Variants in DTWD2 observed in about 807,000 individuals in gnomAD.
DTWD2 encodes the protein DTW motif tRNA-uridine aminocarboxypropyltransferase 2, also known as tRNA-uridine aminocarboxypropyltransferase 2.
In DTWD2, 39 loss-of-function variants were observed where a neutral mutation model predicts 31.8. The observed-to-expected ratio is 1.22, with a 90% CI of 0.95 to 1.60. The LOEUF is 1.60. DTWD2 is among the 40% of genes most tolerant of loss of function. The pLI is 0.00. For missense variants in DTWD2, 515 were observed against 381.5 expected (o/e 1.35, Z -2.92); for synonymous variants, 180 against 142.8 (o/e 1.26, Z -1.86).
chr5:118,988,503 C>T lies in DTWD2; in HGVS notation c.9G>A (p.Ser3=). The change falls in exon 1 of 6, where the codon TCG becomes TCA. Residue 3 remains serine, a synonymous_variant. Coordinates refer to ENST00000510708, the MANE Select transcript of DTWD2 (RefSeq NM_173666.4). ...CCTGGAGTGTTCGTGCCTCTTTCTG[C>T]GACTCCATGGCGGACACTCCGGTCA... ME[S]QKEARTLQEP... is the part of the protein sequence containing the mutation. 2 of 1,567,946 alleles carry T rather than the reference C, an allele frequency of 1.3e-6. No homozygotes were observed. Among genetic ancestry groups the T allele is most frequent in the South Asian group, 1.2e-5 (1 of 86,558 alleles).
rs142762716 is a variant in DTWD2, at chr5:118,988,447, C to T, written c.65G>A (p.Ser22Asn). 117 of 1,606,638 alleles carry T rather than the reference C, an allele frequency of 7.3e-5. No individual in the cohort carries two copies. The highest frequency in any genetic ancestry group is 9.3e-5 in the Non-Finnish European group (109 of 1,178,126). ...CTCCTTGTCGTTCGGCGTCTGAGAG[C>T]TTGAGGCCCCAGAAGGCCGCGCAAC... The part of the protein sequence containing the change: ...EPVARPSGAS[S>N]SQTPNDKERR... Residue 22 changes from serine to asparagine, a missense_variant, in exon 1 of 6, where the codon AGC becomes AAC. Transcript: ENST00000510708.
intron 4 of DTWD2, among the ~76,000 whole-genome samples, chr5:118,852,201 G>C (rs1219864204): frequency 6.6e-6 from 1 of 152,136 alleles, no homozygotes; most frequent in Non-Finnish European, 1.5e-5. Context: ...GTTGTCTTCT[G>C]TTGTTCCCTA....
intron 4 of DTWD2, among the ~76,000 whole-genome samples, chr5:118,885,379 G>T (rs182839875): frequency 0.015 from 2,224 of 150,040 alleles, 68 homozygotes; most frequent in African/African-American, 0.052. Flanking sequence ...TTGAACCCGG[G>T]AGGTGGAGGT....
intron 4 of DTWD2, among the ~76,000 whole-genome samples, chr5:118,863,867 C>A (rs1189572848): frequency 2.6e-5 from 4 of 151,964 alleles, no homozygotes; most frequent in Non-Finnish European, 5.9e-5. Flanking sequence ...ACAGAGTACA[C>A]AACACGCCCA....
intron 5 of DTWD2, among the ~76,000 whole-genome samples, chr5:118,842,350 T>C (rs768676780): frequency 3.3e-5 from 5 of 152,194 alleles, no homozygotes; most frequent in Non-Finnish European, 5.9e-5. Flanking sequence ...AGAGATACTC[T>C]TTAAAGGGGA....
intron 4 of DTWD2, 108 bp downstream of exon 4, chr5:118,928,429 A>G: frequency 1.4e-6 from 1 of 719,222 alleles, no homozygotes; most frequent in Non-Finnish European, 2.0e-6. Flanking sequence ...ACATAGAAAT[A>G]CCACCAAATT....
At chr5:118,884,996 C>CAAAAAAAAA (rs36042211) in intron 4 of DTWD2, among the ~76,000 whole-genome samples, 671 of 49,718 alleles carry the variant, frequency 0.013, 49 homozygotes, top group African/African-American at 0.054. Flanking sequence ...ACTCCATCTC[C>CAAAAAAAAA]AAAAAAAAAA....
At chr5:118,902,362 A>G (rs1753231519) in intron 4 of DTWD2, among the ~76,000 whole-genome samples, 1 of 152,190 alleles carries the variant, frequency 6.6e-6, no homozygotes, top group Non-Finnish European at 1.5e-5. Flanking sequence ...CTAAAATTAT[A>G]GCGCACATGA....
At chr5:118,927,234 T>A (rs1753828446) in intron 4 of DTWD2, among the ~76,000 whole-genome samples, 1 of 150,478 alleles carries the variant, frequency 6.6e-6, no homozygotes, top group African/African-American at 2.5e-5. Flanking sequence ...ATATTGGAAG[T>A]TAGGGCTCCA....
chr5:118,909,603 AC>A (rs1753414391), intron 4 of DTWD2, among the ~76,000 whole-genome samples: 1 of 152,148 alleles, frequency 6.6e-6, no homozygotes, highest in Non-Finnish European at 1.5e-5. Flanking sequence ...TTCAGCTTCC[AC>A]CAGTGTGCAC....
intron 1 of DTWD2, chr5:118,974,146 A>G: frequency 1.3e-6 from 2 of 1,548,180 alleles, no homozygotes; most frequent in Non-Finnish European, 1.8e-6. Context: ...AGGAAAAGTT[A>G]AACTAAAAAA....
In DTWD2 at chr5:118,907,356, GAGAA is replaced by G. The variant is rs562382920; in HGVS notation, c.597+21177_597+21180del. Among the ~76,000 whole-genome samples the G allele has an allele frequency of 4.5e-3, 683 of 152,240 alleles. 1 individual carries two copies. The highest frequency in any genetic ancestry group is 7.1e-3 in the Non-Finnish European group (484 of 68,000). On this transcript the variant is annotated intron_variant, in intron 4 of 5. Transcript: ENST00000510708. The stretch of plus-strand genomic sequence containing the variant: ...CTATTAGGATATATATAGAGAGAGA[GAGAA>G]AGAGATTTCTTATAAGGAATTGACA...
At chr5:118,980,921 G>C (rs1188708586) in intron 1 of DTWD2, among the ~76,000 whole-genome samples, 4 of 152,118 alleles carry the variant, frequency 2.6e-5, no homozygotes, top group Non-Finnish European at 4.4e-5. Context: ...CATCATTATT[G>C]ACAATAGCCA....
intron 4 of DTWD2, among the ~76,000 whole-genome samples, chr5:118,912,580 T>A (rs1753480863): frequency 6.6e-6 from 1 of 152,224 alleles, no homozygotes; most frequent in Non-Finnish European, 1.5e-5. Context: ...TCTACTGGAA[T>A]GTTTTCCTCA....
intron 1 of DTWD2, among the ~76,000 whole-genome samples, chr5:118,980,270 G>C (rs1484516722): frequency 6.6e-6 from 1 of 152,216 alleles, no homozygotes; most frequent in African/African-American, 2.4e-5. Flanking sequence ...CCTTCAGCCA[G>C]GACGCAAACC....
At chr5:118,860,057 G>C (rs189767146) in intron 4 of DTWD2, among the ~76,000 whole-genome samples, 3 of 152,102 alleles carry the variant, frequency 2.0e-5, no homozygotes, top group Admixed American at 2.0e-4. Context: ...AGTTGAGGCT[G>C]CAGTGAGCCA....
intron 3 of DTWD2, among the ~76,000 whole-genome samples, chr5:118,932,526 C>A (rs1024126855): frequency 1.3e-5 from 2 of 152,118 alleles, no homozygotes; most frequent in African/African-American, 4.8e-5. Context: ...GAAGTCCTAA[C>A]CCCTAGTAGC....
intron 4 of DTWD2, among the ~76,000 whole-genome samples, chr5:118,886,064 T>C (rs769184835): frequency 2.0e-5 from 3 of 152,196 alleles, no homozygotes; most frequent in African/African-American, 4.8e-5. Context: ...GCCAGACCCA[T>C]ACAGAAACCA....
intron 4 of DTWD2, among the ~76,000 whole-genome samples, chr5:118,887,920 C>T (rs1370472788): frequency 1.3e-5 from 2 of 152,174 alleles, no homozygotes; most frequent in Non-Finnish European, 2.9e-5. Context: ...GGATTACAGG[C>T]ATGAGTTACC....
Sources: gnomAD v4.1 joint callset for allele counts (sites outside exome capture counted in the v4.1 genomes callset) on GRCh38, gnomAD v4.1.1 for gene constraint, MANE v1.5 for transcripts, NCBI Gene and HGNC (gene_info 2026-07-23, HGNC 2026-07-21) for gene names.